Variants in PLCL1 observed in about 807,000 individuals in gnomAD.
PLCL1 encodes phospholipase C like 1 (inactive), also known as inactive phospholipase C-like protein 1.
PLCL1 carries 41 observed loss-of-function variants against 84.4 expected under a neutral mutation model. That is an observed-to-expected ratio of 0.49 (90% CI 0.38 to 0.63). The LOEUF (loss-of-function observed/expected upper bound fraction) is 0.63. Ranked by LOEUF, PLCL1 falls within the 30% of genes least tolerant of loss-of-function variation. The probability of loss-of-function intolerance (pLI) is 0.00; values close to 1 mark genes in which losing one functional copy is unlikely to be tolerated. For missense variants in PLCL1, 1,206 were observed against 1,367.8 expected (o/e 0.88, Z 1.87); for synonymous variants, 490 against 488.3 (o/e 1.00, Z -0.05).
intron 1 of PLCL1, among the ~76,000 whole-genome samples, chr2:197,943,627 C>CTTTTTTTTTTTTTATTTTTT (rs1689209907): frequency 8.4e-6 from 1 of 119,208 alleles, no homozygotes; most frequent in African/African-American, 3.2e-5. Context: ...TTGGTTACAT[C>CTTTTTTTTTTTTTATTTTTT]TTTTTTTTTT....
intron 1 of PLCL1, among the ~76,000 whole-genome samples, chr2:197,909,869 G>C (rs1376205162): frequency 1.3e-5 from 2 of 152,194 alleles, no homozygotes; most frequent in African/African-American, 4.8e-5. Flanking sequence ...TGACCTCCAG[G>C]CATCAGTGTA....
chr2:197,923,200 C>CGG (rs1281326132), intron 1 of PLCL1, among the ~76,000 whole-genome samples: 5 of 97,190 alleles, frequency 5.1e-5, no homozygotes, highest in Admixed American at 2.0e-4. Context: ...GCTGGCCGGG[C>CGG]GGGGGGCTGA....
chr2:198,082,254 A>G (rs1692731897), intron 1 of PLCL1, among the ~76,000 whole-genome samples: 1 of 152,140 alleles, frequency 6.6e-6, no homozygotes. Context: ...AGGTTAAGTG[A>G]CTCACTCAAG....
At chr2:197,818,134 C>A (rs1236086697) in intron 1 of PLCL1, among the ~76,000 whole-genome samples, 1 of 152,058 alleles carries the variant, frequency 6.6e-6, no homozygotes, top group Non-Finnish European at 1.5e-5. Flanking sequence ...TTCATGGTGG[C>A]ACCTTCAGTA....
chr2:197,837,434 T>G (rs986830984), intron 1 of PLCL1, among the ~76,000 whole-genome samples: 2 of 152,226 alleles, frequency 1.3e-5, no homozygotes, highest in Non-Finnish European at 2.9e-5. Context: ...AGCCGTTTTC[T>G]TGAAATCAGT....
At chr2:197,951,041 A>G (rs1029851849) in intron 1 of PLCL1, among the ~76,000 whole-genome samples, 1 of 152,054 alleles carries the variant, frequency 6.6e-6, no homozygotes, top group Non-Finnish European at 1.5e-5. Context: ...TGTTCTAGCT[A>G]AGAGTCTGGA....
At chr2:198,066,205 C>T (rs976848956) in intron 1 of PLCL1, among the ~76,000 whole-genome samples, 1 of 152,108 alleles carries the variant, frequency 6.6e-6, no homozygotes, top group Non-Finnish European at 1.5e-5. Context: ...CTCATTCAGC[C>T]CCATGATTTT....
intron 1 of PLCL1, among the ~76,000 whole-genome samples, chr2:197,870,884 CT>C (rs1687638861): frequency 6.6e-6 from 1 of 152,070 alleles, no homozygotes; most frequent in African/African-American, 2.4e-5. Context: ...CAGGCTGCCC[CT>C]ATTCCTTATC....
intron 1 of PLCL1, among the ~76,000 whole-genome samples, chr2:197,932,521 AC>A (rs1315174692): frequency 2.0e-5 from 3 of 151,164 alleles, no homozygotes; most frequent in Non-Finnish European, 4.4e-5. Flanking sequence ...CCGTCCCCCT[AC>A]CCCCCAAACC....
chr2:198,029,379 A>G (rs868492649), intron 1 of PLCL1, among the ~76,000 whole-genome samples: 10 of 152,176 alleles, frequency 6.6e-5, no homozygotes, highest in Admixed American at 1.3e-4. Context: ...ACTAGAGAGT[A>G]TCTATTCTTA....
chr2:198,105,004 T>A (rs1488184714), intron 5 of PLCL1, among the ~76,000 whole-genome samples: 3 of 152,136 alleles, frequency 2.0e-5, no homozygotes, highest in African/African-American at 7.2e-5. Flanking sequence ...TTTCTTTTGC[T>A]GTGCAGAAGT....
chr2:198,146,737 C>A, intron 5 of PLCL1, 43 bp from the exon 6 acceptor site: 1 of 1,541,236 alleles, frequency 6.5e-7, no homozygotes, highest in Non-Finnish European at 8.9e-7. Flanking sequence ...ACATGCCTGG[C>A]CCATAACTGT....
chr2:197,875,463 A>G (rs1235169082), intron 1 of PLCL1, among the ~76,000 whole-genome samples: 2 of 152,112 alleles, frequency 1.3e-5, no homozygotes, highest in Admixed American at 1.3e-4. Context: ...CATCTAGGGT[A>G]CTCAAAATGA....
At position 197,839,555 on chromosome 2, in the gene PLCL1, C is replaced by T. The variant is rs932288463; in HGVS notation, c.240+34216C>T. Among the ~76,000 whole-genome samples the T allele has an allele frequency of 2.6e-5, 4 of 152,218 alleles. No individual in the cohort carries two copies. The East Asian group carries it at 7.7e-4, about 29-fold the overall frequency. The stretch of plus-strand genomic sequence containing the variant: ...TTAATGCTCAGTTGCTCACCTGCAG[C>T]TCACCTTCTGCTGTGCCGTGCAGTT... On this transcript the variant is annotated intron_variant, in intron 1 of 5. Coordinates refer to ENST00000428675, the MANE Select transcript of PLCL1 (RefSeq NM_006226.4).
intron 1 of PLCL1, among the ~76,000 whole-genome samples, chr2:197,916,849 T>C (rs1397207840): frequency 6.6e-6 from 1 of 152,176 alleles, no homozygotes; most frequent in Admixed American, 6.5e-5. Flanking sequence ...GACAAGCATA[T>C]GGAAAGATGT....
Position 197,861,647 on chromosome 2 carries a change from G to A in PLCL1, c.240+56308G>A, listed in dbSNP as rs80002761. Among the ~76,000 whole-genome samples the A allele has an allele frequency of 7.0e-3, 1,061 of 152,236 alleles. 17 individuals are homozygous for A. Among genetic ancestry groups the A allele is most frequent in the African/African-American group, 0.024 (997 of 41,550 alleles). On this transcript the variant is annotated intron_variant, in intron 1 of 5. Coordinates refer to ENST00000428675, the MANE Select transcript of PLCL1 (RefSeq NM_006226.4). The stretch of plus-strand genomic sequence containing the variant: ...AAGGAGGGGAAGTCTTGGGGACTGA[G>A]ACTTCAACCTGTGGGATCTGAACTA...
intron 5 of PLCL1, among the ~76,000 whole-genome samples, chr2:198,119,757 T>C (rs1449415812): frequency 6.6e-6 from 1 of 152,012 alleles, no homozygotes; most frequent in East Asian, 1.9e-4. Context: ...ATGTTAATGA[T>C]GTGTCCCTAT....
At chr2:197,949,300 T>C (rs1164509095) in intron 1 of PLCL1, among the ~76,000 whole-genome samples, 2 of 152,180 alleles carry the variant, frequency 1.3e-5, no homozygotes, top group Non-Finnish European at 2.9e-5. Flanking sequence ...TATATTCAGA[T>C]GCCCAGATTT....
intron 1 of PLCL1, among the ~76,000 whole-genome samples, chr2:197,995,504 A>G (rs1690439305): frequency 1.3e-5 from 2 of 152,138 alleles, no homozygotes; most frequent in Non-Finnish European, 2.9e-5. Flanking sequence ...TAATGAGAAT[A>G]CCACAAAGGG....
Sources: allele counts gnomAD v4.1 joint callset (sites outside exome capture counted in the v4.1 genomes callset), GRCh38; gene constraint gnomAD v4.1.1; transcripts MANE v1.5; gene names NCBI Gene and HGNC (gene_info 2026-07-23, HGNC 2026-07-21).